Variants in SLC39A12 observed in about 807,000 individuals in gnomAD.
SLC39A12 encodes zinc transporter ZIP12.
Under a neutral mutation model 71.1 loss-of-function variants are expected in SLC39A12, and 63 were observed. The ratio of observed to expected loss-of-function variants is 0.89; its 90% CI spans 0.72 to 1.09. The LOEUF is 1.09. SLC39A12 is among the 50% of genes least tolerant of loss of function. The pLI is 0.00. For synonymous variants in SLC39A12, 351 were observed against 301.3 expected (o/e 1.16, Z -1.71); for missense variants, 892 against 812.6 (o/e 1.10, Z -1.19).
intron 12 of SLC39A12, among the ~76,000 whole-genome samples, chr10:18,036,255 C>T (rs1268311865): frequency 1.3e-5 from 2 of 152,174 alleles, no homozygotes; most frequent in South Asian, 2.1e-4. Context: ...GCCTCACTGC[C>T]GCCTTGCAGT....
chr10:18,017,074 G>C (rs1037341060), intron 12 of SLC39A12, among the ~76,000 whole-genome samples: 1 of 151,986 alleles, frequency 6.6e-6, no homozygotes, highest in Admixed American at 6.6e-5. Context: ...TATGCTCCTG[G>C]ATTGCAATCC....
At chr10:17,989,357 T>C (rs1312832951) in intron 7 of SLC39A12, among the ~76,000 whole-genome samples, 1 of 152,270 alleles carries the variant, frequency 6.6e-6, no homozygotes, top group Non-Finnish European at 1.5e-5. Context: ...CCTCATAATC[T>C]AATATCCTGG....
intron 12 of SLC39A12, among the ~76,000 whole-genome samples, chr10:18,035,467 C>T (rs1277106006): frequency 1.0e-4 from 15 of 144,228 alleles, no homozygotes; most frequent in Admixed American, 9.0e-4. Flanking sequence ...GCATTCTTCA[C>T]GTAGTTCTCG....
chr10:17,973,255 A>G (rs921700372), intron 4 of SLC39A12, among the ~76,000 whole-genome samples: 2 of 152,082 alleles, frequency 1.3e-5, no homozygotes, highest in African/African-American at 2.4e-5. Flanking sequence ...TAGTCTTCCT[A>G]CTTAGGATGG....
intron 7 of SLC39A12, among the ~76,000 whole-genome samples, chr10:17,990,875 C>T (rs1262542386): frequency 6.6e-6 from 1 of 152,156 alleles, no homozygotes; most frequent in Non-Finnish European, 1.5e-5. Context: ...AGAAATAAAG[C>T]TTAGGCTTCA....
rs1221478962 is a variant in SLC39A12 at position 17,959,396 on chromosome 10, G to T, written c.262-2185G>T. On this transcript the variant is annotated intron_variant, in intron 2 of 12. Transcript: ENST00000377369. ...ATTAAAGTCTGTGTGGTTTTATGAA[G>T]AATGTGATTATGCTTTGATTTGGAG... 2.6e-5 allele frequency among the ~76,000 whole-genome samples: 4 copies of T among 152,070 alleles called. No homozygotes were observed. In the East Asian group the frequency reaches 7.7e-4, roughly 29 times the overall value.
At chr10:18,015,933 G>A (rs1403924227) in intron 12 of SLC39A12, among the ~76,000 whole-genome samples, 1 of 151,912 alleles carries the variant, frequency 6.6e-6, no homozygotes, top group Non-Finnish European at 1.5e-5. Context: ...TACTCAGAAG[G>A]TACAGAGTTC....
intron 5 of SLC39A12, among the ~76,000 whole-genome samples, chr10:17,980,164 C>T (rs953794181): frequency 1.3e-5 from 2 of 152,080 alleles, no homozygotes; most frequent in Admixed American, 1.3e-4. Flanking sequence ...CTTTCTAATA[C>T]AATTTCCTCT....
intron 12 of SLC39A12, chr10:18,010,480 C>T (rs1324485575): frequency 2.0e-5 from 3 of 152,182 alleles, no homozygotes; most frequent in Admixed American, 6.5e-5. Flanking sequence ...TGTAATTTAA[C>T]ATTCACAATT....
intron 4 of SLC39A12, among the ~76,000 whole-genome samples, chr10:17,967,713 C>T (rs1046639421): frequency 6.6e-6 from 1 of 151,472 alleles, no homozygotes; most frequent in African/African-American, 2.4e-5. Flanking sequence ...GAAACCCAGT[C>T]TCTACTAAAA....
intron 6 of SLC39A12, among the ~76,000 whole-genome samples, chr10:17,982,120 A>T (rs1424886696): frequency 6.6e-6 from 1 of 152,174 alleles, no homozygotes; most frequent in Non-Finnish European, 1.5e-5. Context: ...CTGCTGTGGG[A>T]TGAAGGTGAC....
intron 12 of SLC39A12, among the ~76,000 whole-genome samples, chr10:18,011,826 A>G (rs190219357): frequency 1.3e-5 from 2 of 152,348 alleles, no homozygotes; most frequent in East Asian, 1.9e-4. Flanking sequence ...ATCTTCTGCA[A>G]ACTGCTTCAT....
chr10:17,957,014 G>A (rs1264692726), intron 2 of SLC39A12, among the ~76,000 whole-genome samples: 11 of 151,702 alleles, frequency 7.3e-5, no homozygotes, highest in African/African-American at 1.7e-4. Flanking sequence ...CCCCACCTCC[G>A]GAAAAGAAAA....
intron 12 of SLC39A12, among the ~76,000 whole-genome samples, chr10:18,016,664 A>G (rs377731159): frequency 3.3e-5 from 5 of 152,222 alleles, no homozygotes; most frequent in South Asian, 2.1e-4. Flanking sequence ...TCCATCAGCA[A>G]TGAATGAGAG....
rs912241027 is a variant in SLC39A12, at chr10:17,993,306, T to C, written c.1533+15T>C. The C allele has an allele frequency of 3.8e-5, 56 of 1,456,340 alleles. No individual in the cohort carries two copies. In the African/African-American group the frequency reaches 7.0e-4, roughly 18 times the overall value. 90.2% of individuals were successfully genotyped at this position (1,456,340 alleles called of 1,614,324 possible). On this transcript the variant is annotated intron_variant, in intron 9 of 12. Transcript: ENST00000377369. Reference sequence around the variant, plus strand: ...CTATCCAGTTGGTAGGTTCCTGATCTGAAGCATTCTACTGATCTGATTACC... The same window carrying C: ...CTATCCAGTTGGTAGGTTCCTGATCCGAAGCATTCTACTGATCTGATTACC...
At chr10:17,964,068 C>A (rs1377044688) in intron 3 of SLC39A12, among the ~76,000 whole-genome samples, 2 of 152,172 alleles carry the variant, frequency 1.3e-5, no homozygotes, top group Non-Finnish European at 2.9e-5. Flanking sequence ...CGTAGCCCTG[C>A]CTACTGCATG....
rs772701135 is a variant in SLC39A12, at chr10:18,000,671, A to G, written c.1605A>G (p.Lys535=). 7 of 1,614,096 alleles carry G rather than the reference A, an allele frequency of 4.3e-6. No individual in the cohort carries two copies. The African/African-American group carries it at 6.7e-5, about 15-fold the overall frequency. ...GSMTASNRKC[K]AISLLAIMIL... ...TGTGTTTATTTGGTTCCTTAGGTAA[A>G]GCCATTAGCTTGTTAGCAATCATGA... is the stretch of plus-strand genomic sequence containing the variant. Residue 535 remains lysine, a synonymous_variant, in exon 11 of 13, where the codon AAA becomes AAG. Transcript: ENST00000377369.
At chr10:17,986,238 G>C (rs576073561) in intron 6 of SLC39A12, among the ~76,000 whole-genome samples, 2 of 152,298 alleles carry the variant, frequency 1.3e-5, no homozygotes, top group African/African-American at 4.8e-5. Context: ...TTGAGGGTTG[G>C]AGGTGAGCTC....
chr10:18,010,562 T>C (rs556032028), intron 12 of SLC39A12: 2 of 152,304 alleles, frequency 1.3e-5, no homozygotes, highest in East Asian at 1.9e-4. Context: ...TCTCTTTCTG[T>C]AAAAATCAGT....
Sources: allele counts gnomAD v4.1 joint callset (sites outside exome capture counted in the v4.1 genomes callset), GRCh38; gene constraint gnomAD v4.1.1; transcripts MANE v1.5; gene names NCBI Gene and HGNC (gene_info 2026-07-23, HGNC 2026-07-21).